GTF2F2: variants seen among roughly 807,000 people sequenced by gnomAD.
The protein encoded by GTF2F2 is general transcription factor IIF subunit 2.
A neutral mutation model predicts 42.2 loss-of-function variants in GTF2F2; 23 were observed. That is an observed-to-expected ratio of 0.55 (90% CI 0.39 to 0.77). The LOEUF is 0.77. Among genes scored for constraint, GTF2F2 ranks in the 30% least tolerant of loss-of-function variants. GTF2F2 has a pLI of 0.00. For missense variants in GTF2F2, 261 were observed against 287.2 expected (o/e 0.91, Z 0.66); for synonymous variants, 105 against 100.8 (o/e 1.04, Z -0.25).
intron 5 of GTF2F2, among the ~76,000 whole-genome samples, chr13:45,235,412 G>A (rs1213861963): frequency 1.3e-5 from 2 of 151,746 alleles, no homozygotes; most frequent in Non-Finnish European, 2.9e-5. Flanking sequence ...CATCATTTTG[G>A]CACAGGATAG....
At chr13:45,269,435 C>T (rs761358819) in intron 7 of GTF2F2, among the ~76,000 whole-genome samples, 1 of 152,136 alleles carries the variant, frequency 6.6e-6, no homozygotes, top group Non-Finnish European at 1.5e-5. Context: ...GAGGAGAGGG[C>T]AGGAAGTGGT....
rs1325540237 is a variant in GTF2F2 at position 45,283,651 on chromosome 13, A to T, written c.*90A>T. The stretch of plus-strand genomic sequence containing the variant: ...CTGGAAGGCTTGAACACCGTATGTT[A>T]ATAGGGGTTAAGTGACAGTACTTTG... On this transcript the variant is annotated 3_prime_UTR_variant, in exon 8 of 8. Coordinates refer to ENST00000340473, the MANE Select transcript of GTF2F2 (RefSeq NM_004128.3). The T allele has an allele frequency of 2.8e-6, 3 of 1,071,110 alleles. No individual in the cohort carries two copies. The highest frequency in any genetic ancestry group is 3.9e-6 in the Non-Finnish European group (3 of 777,832). The allele number at this position is 1,071,110 out of a possible 1,614,324, so 66.4% of individuals were successfully genotyped here. A position where few individuals can be genotyped will look rare whatever the true frequency, so the allele number is the denominator to read the frequency against.
intron 7 of GTF2F2, among the ~76,000 whole-genome samples, chr13:45,276,827 A>C (rs1877055871): frequency 6.6e-6 from 1 of 152,258 alleles, no homozygotes; most frequent in Admixed American, 6.5e-5. Context: ...ATATTCAAGC[A>C]TGTGAAGCAT....
chr13:45,225,712 C>G (rs1437020141), intron 5 of GTF2F2, among the ~76,000 whole-genome samples: 2 of 152,058 alleles, frequency 1.3e-5, no homozygotes, highest in African/African-American at 4.8e-5. Flanking sequence ...ATATTTCCAC[C>G]CAAGTACTTC....
intron 4 of GTF2F2, among the ~76,000 whole-genome samples, chr13:45,199,241 C>T (rs1443906344): frequency 6.6e-6 from 1 of 152,188 alleles, no homozygotes; most frequent in Non-Finnish European, 1.5e-5. Flanking sequence ...GGAAAATTGC[C>T]TACATTGGTA....
intron 4 of GTF2F2, among the ~76,000 whole-genome samples, chr13:45,191,350 TAAC>T (rs1872647598): frequency 6.7e-6 from 1 of 149,498 alleles, no homozygotes; most frequent in African/African-American, 2.5e-5. Context: ...GCAACTATAG[TAAC>T]CTACTTTTTT....
Position 45,212,447 on chromosome 13 carries a change from G to GTTTCTTTCTTTCTTTTCTTT in GTF2F2, c.386+4957_386+4958insTCTTTTTTCTTTCTTTCTTT, listed in dbSNP as rs1555269186. ...TGATTTCTTTCTTTCTTTCTTTCTT[G>GTTTCTTTCTTTCTTTTCTTT]TTTCTTTCTTTCTTTCTTTCTTTCT... On this transcript the variant is annotated intron_variant, in intron 5 of 7. Coordinates refer to ENST00000340473, the MANE Select transcript of GTF2F2 (RefSeq NM_004128.3). Among the ~76,000 whole-genome samples, 104 of 45,684 alleles carry GTTTCTTTCTTTCTTTTCTTT rather than the reference G, an allele frequency of 2.3e-3. 5 individuals carry two copies. Among genetic ancestry groups the GTTTCTTTCTTTCTTTTCTTT allele is most frequent in the Admixed American group, 8.0e-3 (34 of 4,260 alleles). 30.0% of individuals were successfully genotyped at this position (45,684 alleles called of 152,430 possible). A position where few individuals can be genotyped will look rare whatever the true frequency, so the allele number is the denominator to read the frequency against.
At chr13:45,198,952 C>A (rs780088466) in intron 4 of GTF2F2, among the ~76,000 whole-genome samples, 1 of 152,146 alleles carries the variant, frequency 6.6e-6, no homozygotes, top group Non-Finnish European at 1.5e-5. Flanking sequence ...TAATGTAATT[C>A]TTTTTGAGTG....
intron 6 of GTF2F2, chr13:45,263,888 G>GA: frequency 5.1e-6 from 1 of 195,762 alleles, no homozygotes. Context: ...AGGAGATGAG[G>GA]AAGGCTGGTA....
rs554831180 is a variant in GTF2F2, at chr13:45,235,563, A to T, written c.387-17308A>T. Among the ~76,000 whole-genome samples, 8 of 151,870 alleles carry T rather than the reference A, an allele frequency of 5.3e-5. No homozygotes were observed. The East Asian group carries it at 1.4e-3, about 26-fold the overall frequency. ...TGGAGATTTGATGAAGTAAAATTTG[A>T]AATTATGTCCATATGCTTTCTTTCC... is the stretch of plus-strand genomic sequence containing the variant. On this transcript the variant is annotated intron_variant, in intron 5 of 7. Coordinates refer to ENST00000340473, the MANE Select transcript of GTF2F2 (RefSeq NM_004128.3).
intron 7 of GTF2F2, among the ~76,000 whole-genome samples, chr13:45,278,966 G>A (rs1877147812): frequency 6.6e-6 from 1 of 151,808 alleles, no homozygotes; most frequent in Admixed American, 6.6e-5. Flanking sequence ...TGGGACTACA[G>A]GGGCCTGCCA....
At chr13:45,202,433 CTGAG>C (rs1055313470) in intron 4 of GTF2F2, among the ~76,000 whole-genome samples, 4 of 147,140 alleles carry the variant, frequency 2.7e-5, no homozygotes, top group African/African-American at 7.3e-5. Context: ...AGCTAGACAT[CTGAG>C]TGGGTGTGTG....
At chr13:45,194,625 A>T in intron 4 of GTF2F2, 1 of 1,428,966 alleles carries the variant, frequency 7.0e-7, no homozygotes, top group East Asian at 2.3e-5. Flanking sequence ...TTAAAAAGAG[A>T]CACTACCACA....
chr13:45,123,464 C>CA (rs1326292792), intron 1 of GTF2F2: 1 of 151,930 alleles, frequency 6.6e-6, no homozygotes, highest in Admixed American at 6.6e-5. Context: ...CCTTTATCTA[C>CA]AAAAACTATA....
chr13:45,127,616 A>G (rs1253550520), intron 1 of GTF2F2, among the ~76,000 whole-genome samples: 1 of 151,162 alleles, frequency 6.6e-6, no homozygotes, highest in Non-Finnish European at 1.5e-5. Context: ...GGATTATGGC[A>G]TGAGCCACCA....
At chr13:45,193,909 A>G (rs1256778698) in intron 4 of GTF2F2, 5 of 1,614,178 alleles carry the variant, frequency 3.1e-6, no homozygotes, top group Non-Finnish European at 3.4e-6. Context: ...AAGAGTTTCC[A>G]AGGTACAGAC....
At chr13:45,191,377 T>A (rs1872650112) in intron 4 of GTF2F2, among the ~76,000 whole-genome samples, 1 of 150,832 alleles carries the variant, frequency 6.6e-6, no homozygotes, top group Non-Finnish European at 1.5e-5. Context: ...ACCTTTCTTT[T>A]GAGAAAGATA....
At chr13:45,209,546 G>A (rs1011631998) in intron 5 of GTF2F2, among the ~76,000 whole-genome samples, 1 of 152,164 alleles carries the variant, frequency 6.6e-6, no homozygotes, top group Non-Finnish European at 1.5e-5. Context: ...TGACCAAGTG[G>A]AGAAAGAGAT....
chr13:45,221,244 T>C (rs1874100283), intron 5 of GTF2F2, among the ~76,000 whole-genome samples: 1 of 152,140 alleles, frequency 6.6e-6, no homozygotes, highest in Non-Finnish European at 1.5e-5. Flanking sequence ...ATTCTTCTTT[T>C]CTTGACAAGA....
Sources: gnomAD v4.1 joint callset for allele counts (sites outside exome capture counted in the v4.1 genomes callset) on GRCh38, gnomAD v4.1.1 for gene constraint, MANE v1.5 for transcripts, NCBI Gene and HGNC (gene_info 2026-07-23, HGNC 2026-07-21) for gene names.